Variants in ATXN10 observed in about 807,000 individuals in gnomAD.
ATXN10 encodes ataxin-10.
ATXN10 carries 28 observed loss-of-function variants against 52.9 expected under a neutral mutation model. The observed-to-expected ratio is 0.53, with a 90% CI of 0.39 to 0.73. The LOEUF is 0.73. Among genes scored for constraint, ATXN10 ranks in the 30% least tolerant of loss-of-function variants. The pLI, the probability that ATXN10 is intolerant of heterozygous loss-of-function variation, is 0.00. For missense variants in ATXN10, 565 were observed against 577.0 expected (o/e 0.98, Z 0.21); for synonymous variants, 226 against 221.5 (o/e 1.02, Z -0.18).
At position 45,757,200 on chromosome 22, in the gene ATXN10, C is replaced by T. The variant is rs942708343; in HGVS notation, c.1173+16662C>T. Among the ~76,000 whole-genome samples, 1 of 152,090 alleles carries T rather than the reference C, an allele frequency of 6.6e-6. No homozygotes were observed. Among genetic ancestry groups the T allele is most frequent in the African/African-American group, 2.4e-5 (1 of 41,406 alleles). ...GGCGGGGGTGTTGACAGGAAAAATC[C>T]GACTGGCGGCCTTGGAGCAGTTCGA... On this transcript the variant is annotated intron_variant, in intron 9 of 11. Coordinates refer to ENST00000252934, the MANE Select transcript of ATXN10 (RefSeq NM_013236.4). This position sits in a 1 kb window ranked among gnomAD's most constrained non-coding sequence, Gnocchi z 4.6.
At chr22:45,697,487 G>A (rs1053701702) in intron 3 of ATXN10, among the ~76,000 whole-genome samples, 5 of 151,902 alleles carry the variant, frequency 3.3e-5, no homozygotes, top group Non-Finnish European at 5.9e-5. Context: ...CTCTCTTTCC[G>A]CCTCCCTGTA....
Position 45,828,213 on chromosome 22 carries a change from AAG to A in ATXN10, c.1238-14776_1238-14775del, listed in dbSNP as rs1309897448. Among the ~76,000 whole-genome samples, 1 of 148,496 alleles carries A rather than the reference AAG, an allele frequency of 6.7e-6. No homozygotes were observed. Among genetic ancestry groups the A allele is most frequent in the Non-Finnish European group, 1.5e-5 (1 of 66,450 alleles). On this transcript the variant is annotated intron_variant, in intron 10 of 11. Transcript: ENST00000252934. This position sits in a 1 kb window ranked among gnomAD's most constrained non-coding sequence, Gnocchi z 4.5. ...TAAAAACTTTAAAAAAGAAAAAAAA[AAG>A]AAGAAAAAAATATTTAGAGACAAAT...
At chr22:45,822,179 A>T (rs1257308994) in intron 10 of ATXN10, among the ~76,000 whole-genome samples, 2 of 152,184 alleles carry the variant, frequency 1.3e-5, no homozygotes, top group Non-Finnish European at 2.9e-5. Context: ...CATTGCAAGA[A>T]ATTTTAACAT....
chr22:45,794,336 GAAAT>G (rs1927632214), intron 9 of ATXN10, among the ~76,000 whole-genome samples: 2 of 151,596 alleles, frequency 1.3e-5, no homozygotes, highest in Admixed American at 6.6e-5. Context: ...TTCTGTCTCA[GAAAT>G]ATCTATTTCA....
chr22:45,832,083 A>C (rs1929011625), intron 10 of ATXN10, among the ~76,000 whole-genome samples: 1 of 152,154 alleles, frequency 6.6e-6, no homozygotes, highest in Admixed American at 6.5e-5. Flanking sequence ...TTATTCCAAA[A>C]TTTTATTCTC....
intron 7 of ATXN10, among the ~76,000 whole-genome samples, chr22:45,735,507 A>T (rs1442336904): frequency 1.3e-5 from 2 of 152,134 alleles, no homozygotes; most frequent in East Asian, 3.9e-4. Context: ...CAACTGGAGA[A>T]GGGAGAATTC....
At chr22:45,673,994 G>A (rs1922580884) in intron 1 of ATXN10, 1 of 152,168 alleles carries the variant, frequency 6.6e-6, no homozygotes, top group Non-Finnish European at 1.5e-5. Flanking sequence ...TCTCTTGTGA[G>A]GGAAGAAGTT....
rs569166376 is a variant in ATXN10 at position 45,761,985 on chromosome 22, C to T, written c.1173+21447C>T. On this transcript the variant is annotated intron_variant, in intron 9 of 11. Transcript: ENST00000252934. The stretch of plus-strand genomic sequence containing the variant: ...CTGAAGCAGGTGAATGGACCATATT[C>T]GCCTTTAAGAGCCTTCTGACTCCCA... 3.9e-5 allele frequency among the ~76,000 whole-genome samples: 6 copies of T among 152,292 alleles called. No homozygotes were observed. The South Asian group carries it at 1.2e-3, about 32-fold the overall frequency.
chr22:45,733,628 C>T lies in ATXN10; in HGVS notation c.894+4038C>T, dbSNP rs982320963. Among the ~76,000 whole-genome samples, 5 of 151,830 alleles carry T rather than the reference C, an allele frequency of 3.3e-5. No individual in the cohort carries two copies. Among genetic ancestry groups the T allele is most frequent in the African/African-American group, 7.3e-5 (3 of 41,360 alleles). ...GCGGATGCCTGTAATCCCAGCTACTCGGGAGGCTGTCCCAGCTACTCGGGA... is the reference window on the plus strand; with the variant it reads ...GCGGATGCCTGTAATCCCAGCTACTTGGGAGGCTGTCCCAGCTACTCGGGA... On this transcript the variant is annotated intron_variant, in intron 7 of 11. Coordinates refer to ENST00000252934, the MANE Select transcript of ATXN10 (RefSeq NM_013236.4). This position sits in a 1 kb window ranked among gnomAD's most constrained non-coding sequence, Gnocchi z 4.4.
chr22:45,734,869 A>ATAT (rs10625108), intron 7 of ATXN10, among the ~76,000 whole-genome samples: 34,156 of 142,184 alleles, frequency 0.24, 4,638 homozygotes, highest in East Asian at 0.47. Context: ...GAAATGGGTT[A>ATAT]TATTATTATT....
At chr22:45,675,308 G>T (rs903420004) in intron 1 of ATXN10, 12 of 152,110 alleles carry the variant, frequency 7.9e-5, no homozygotes, top group African/African-American at 2.7e-4. Flanking sequence ...TCCCATTGTG[G>T]GAATTTTAAA....
In ATXN10 at chr22:45,684,441, T is replaced by A. The variant is rs190367604; in HGVS notation, c.117-5271T>A. 2.3e-3 allele frequency among the ~76,000 whole-genome samples: 353 copies of A among 152,294 alleles called. 3 individuals are homozygous for A. Among genetic ancestry groups the A allele is most frequent in the African/African-American group, 8.2e-3 (339 of 41,582 alleles). On this transcript the variant is annotated intron_variant, in intron 1 of 11. Transcript: ENST00000252934. This position sits in a 1 kb window ranked among gnomAD's most constrained non-coding sequence, Gnocchi z 4.1. ...GATCTGGCCTACTACCTGTTTTTTT[T>A]ATGACCCATGAGTTAAGAATGGTTT...
In ATXN10 at chr22:45,708,148, A is replaced by C. The variant is rs540307598; in HGVS notation, c.647+5301A>C. Among the ~76,000 whole-genome samples, 1 of 152,330 alleles carries C rather than the reference A, an allele frequency of 6.6e-6. No homozygotes were observed. The highest frequency in any genetic ancestry group is 1.9e-4 in the East Asian group (1 of 5,190). On this transcript the variant is annotated intron_variant, in intron 5 of 11. Coordinates refer to ENST00000252934, the MANE Select transcript of ATXN10 (RefSeq NM_013236.4). The surrounding 1 kb of genome is among the most constrained non-coding windows in gnomAD (Gnocchi z 5.3). ...CTACTTGGTTTGAATTATTGGGATA[A>C]TGTCTTTCTAAAAATGTCTGTTCTT... is the stretch of plus-strand genomic sequence containing the variant.
rs968513795 is a variant in ATXN10 at position 45,671,944 on chromosome 22, G to T, written c.-120G>T. 4.1e-5 allele frequency: 48 copies of T among 1,180,612 alleles called. No homozygotes were observed. Among genetic ancestry groups the T allele is most frequent in the Non-Finnish European group, 5.1e-5 (43 of 845,122 alleles). 73.1% of individuals were successfully genotyped at this position (1,180,612 alleles called of 1,614,324 possible). A position where few individuals can be genotyped will look rare whatever the true frequency, so the allele number is the denominator to read the frequency against. On this transcript the variant is annotated 5_prime_UTR_variant, in exon 1 of 12. Coordinates refer to ENST00000252934, the MANE Select transcript of ATXN10 (RefSeq NM_013236.4). ...CAGCGGCGGCGGCGGTTAGGGCTGT[G>T]TAGGGCGAGGCCTCCCCCTTCCTCC...
intron 6 of ATXN10, among the ~76,000 whole-genome samples, chr22:45,724,538 G>C (rs558831452): frequency 6.6e-6 from 1 of 151,994 alleles, no homozygotes; most frequent in Non-Finnish European, 1.5e-5. Flanking sequence ...TCACTGATTT[G>C]TTTGAGTTCC....
chr22:45,815,326 G>C (rs1310519195), intron 10 of ATXN10, among the ~76,000 whole-genome samples: 1 of 152,174 alleles, frequency 6.6e-6, no homozygotes. Flanking sequence ...TAGTTACGTG[G>C]GGTAGAAGGG....
At position 45,818,433 on chromosome 22, in the gene ATXN10, C is replaced by G. The variant is rs1306012728; in HGVS notation, c.1237+11411C>G. 6.6e-6 allele frequency among the ~76,000 whole-genome samples: 1 copy of G among 152,172 alleles called. No individual in the cohort carries two copies. The highest frequency in any genetic ancestry group is 1.5e-5 in the Non-Finnish European group (1 of 68,046). The stretch of plus-strand genomic sequence containing the variant: ...CTCAGGAGTCAAAGCGCATCTGGTT[C>G]TGCTTGTCTGGTTTACCTGTGTTAA... On this transcript the variant is annotated intron_variant, in intron 10 of 11. Transcript: ENST00000252934. This position sits in a 1 kb window ranked among gnomAD's most constrained non-coding sequence, Gnocchi z 4.6.
In ATXN10 at chr22:45,738,772, A is replaced by G; in HGVS notation, c.936A>G (p.Glu312=). 6.2e-7 allele frequency: 1 copy of G among 1,614,164 alleles called. No individual in the cohort carries two copies. The highest frequency in any genetic ancestry group is 8.5e-7 in the Non-Finnish European group (1 of 1,180,010). ...TTAGGCTTCTCGACGTCCTGTGCGA[A>G]ATGACTGTGAATACTGAGCTGCTCG... The part of the protein sequence containing the change: ...ATIRLLDVLC[E]MTVNTELLGY... The change falls in exon 8 of 12, where the codon GAA becomes GAG. Residue 312 remains glutamate (E), a synonymous_variant. Transcript: ENST00000252934.
intron 1 of ATXN10, chr22:45,675,015 G>C (rs1922626139): frequency 6.6e-6 from 1 of 152,356 alleles, no homozygotes; most frequent in African/African-American, 2.4e-5. Flanking sequence ...TTGAAAACGG[G>C]ATGATGGTAG....
Sources: gnomAD v4.1 joint callset for allele counts (sites outside exome capture counted in the v4.1 genomes callset) on GRCh38, gnomAD v4.1.1 for gene constraint, Gnocchi (gnomAD v3.1) non-coding constraint, MANE v1.5 for transcripts, NCBI Gene and HGNC (gene_info 2026-07-23, HGNC 2026-07-21) for gene names.